LYAR: variants seen among roughly 807,000 people sequenced by gnomAD.
The protein encoded by LYAR is cell growth-regulating nucleolar protein.
LYAR carries 37 observed loss-of-function variants against 45.2 expected under a neutral mutation model. That is an observed-to-expected ratio of 0.82 (90% CI 0.63 to 1.08). The LOEUF (loss-of-function observed/expected upper bound fraction) is 1.08, where lower values mean the gene tolerates loss of function less well. Among genes scored for constraint, LYAR ranks in the 50% least tolerant of loss-of-function variants. The pLI is 0.00. For missense variants in LYAR, 493 were observed against 451.0 expected, an observed-to-expected ratio of 1.09 and a Z score of -0.84; for synonymous variants, 176 against 155.1, an observed-to-expected ratio of 1.14 and a Z score of -1.00.
At chr4:4,272,642 C>T (rs1166998194) in intron 8 of LYAR, among the ~76,000 whole-genome samples, 1 of 152,190 alleles carries the variant, frequency 6.6e-6, no homozygotes, top group Non-Finnish European at 1.5e-5. Flanking sequence ...TACAGCAGGA[C>T]AGCAAGAGAT....
intron 2 of LYAR, among the ~76,000 whole-genome samples, chr4:4,284,346 GTTTAGA>G (rs1397070280): frequency 2.2e-4 from 34 of 152,308 alleles, no homozygotes; most frequent in Non-Finnish European, 3.4e-4. Context: ...ACTGAGTGAA[GTTTAGA>G]AAGTGAAGAA....
At chr4:4,285,668 A>C (rs1269656797) in intron 2 of LYAR, among the ~76,000 whole-genome samples, 1 of 152,260 alleles carries the variant, frequency 6.6e-6, no homozygotes, top group Non-Finnish European at 1.5e-5. Flanking sequence ...CTAATAAGAT[A>C]CAACAACAAA....
chr4:4,276,999 C>A (rs898294658), intron 6 of LYAR, among the ~76,000 whole-genome samples: 5 of 152,188 alleles, frequency 3.3e-5, no homozygotes, highest in Admixed American at 1.3e-4. Flanking sequence ...GACAAAGAAA[C>A]TTCACATCTG....
At chr4:4,280,434 C>T (rs1719349146) in intron 4 of LYAR, among the ~76,000 whole-genome samples, 1 of 152,164 alleles carries the variant, frequency 6.6e-6, no homozygotes, top group African/African-American at 2.4e-5. Context: ...CATCCTAAAA[C>T]TCACAGGGAA....
chr4:4,270,090 C>T (rs1434899905), intron 8 of LYAR, among the ~76,000 whole-genome samples: 3 of 151,890 alleles, frequency 2.0e-5, no homozygotes, highest in Non-Finnish European at 4.4e-5. Flanking sequence ...GTGGTGTGTA[C>T]TCGTAGTCCT....
At chr4:4,279,153 T>C (rs574721540) in intron 6 of LYAR, among the ~76,000 whole-genome samples, 7 of 142,034 alleles carry the variant, frequency 4.9e-5, no homozygotes, top group Non-Finnish European at 3.0e-5. Context: ...GGTGAAACTC[T>C]GTCTCTGCTA....
At position 4,274,460 on chromosome 4, in the gene LYAR, TC is replaced by T. The variant is rs1560092725; in HGVS notation, c.738del (p.Lys247ArgfsTer41). On this transcript the variant is annotated frameshift_variant, in exon 7 of 10. Transcript: ENST00000343470. LOFTEE classifies it high-confidence loss of function. The stretch of plus-strand genomic sequence containing the variant: ...CGCTGCTTCTTCTTCTTGCTCCTCT[TC>T]CCTGCAGAGCCATTGGCCTCAGGGA... ...EEVPEANGSAGKRSKKKKQRK... is the reference protein window; with the variant it reads ...EEVPEANGSAXKRSKKKKQRK... 2.5e-6 allele frequency: 4 copies of T among 1,614,068 alleles called. No homozygotes were observed. Among genetic ancestry groups the T allele is most frequent in the Non-Finnish European group, 3.4e-6 (4 of 1,180,020 alleles).
Position 4,279,743 on chromosome 4 carries a change from T to G in LYAR, c.244A>C (p.Ser82Arg). The G allele has an allele frequency of 6.3e-7, 1 of 1,587,064 alleles. No individual in the cohort carries two copies. The highest frequency in any genetic ancestry group is 8.6e-7 in the Non-Finnish European group (1 of 1,162,356). ...IKQQAWIQKISELIKRPNVSP... is the reference protein window; with the variant it reads ...IKQQAWIQKIRELIKRPNVSP... The stretch of plus-strand genomic sequence containing the variant: ...ACATTGGGTCTCTTTATTAATTCAC[T>G]AATTTTCTACAAAAAGGGAAGAAAA... The change falls in exon 5 of 10, where the codon AGT becomes CGT. Residue 82 changes from serine to arginine, a missense_variant. Transcript: ENST00000343470.
chr4:4,274,364 T>C lies in LYAR; in HGVS notation c.832+3A>G, dbSNP rs1465201398. The stretch of plus-strand genomic sequence containing the variant: ...AATCCCAGAGCGTGAGCTAGCCACT[T>C]ACCTTCCGAGTGCCTCCGCTTCCTC... On this transcript the variant is annotated splice_donor_region_variant and intron_variant, in intron 7 of 9. Coordinates refer to ENST00000343470, the MANE Select transcript of LYAR (RefSeq NM_017816.3). The C allele has an allele frequency of 6.2e-7, 1 of 1,607,302 alleles. No homozygotes were observed. Among genetic ancestry groups the C allele is most frequent in the Non-Finnish European group, 8.5e-7 (1 of 1,176,110 alleles).
chr4:4,279,192 G>A (rs1719300637), intron 6 of LYAR, among the ~76,000 whole-genome samples: 1 of 152,044 alleles, frequency 6.6e-6, no homozygotes, highest in Admixed American at 6.5e-5. Flanking sequence ...AATTAGCTGG[G>A]CATGATGGCT....
intron 8 of LYAR, among the ~76,000 whole-genome samples, chr4:4,272,680 A>G (rs535806765): frequency 6.6e-6 from 1 of 152,340 alleles, no homozygotes; most frequent in African/African-American, 2.4e-5. Context: ...AACAGCATGC[A>G]ATGGAAAACT....
At chr4:4,284,889 C>T (rs1358092544) in intron 2 of LYAR, among the ~76,000 whole-genome samples, 1 of 152,132 alleles carries the variant, frequency 6.6e-6, no homozygotes, top group African/African-American at 2.4e-5. Context: ...GGACTTCATC[C>T]AACAAGCTTT....
rs755864387 is a variant in LYAR, at chr4:4,283,774, A to G, written c.-32T>C. The G allele has an allele frequency of 6.3e-7, 1 of 1,582,324 alleles. No individual in the cohort carries two copies. Among genetic ancestry groups the G allele is most frequent in the South Asian group, 1.1e-5 (1 of 88,816 alleles). On this transcript the variant is annotated 5_prime_UTR_variant, in exon 3 of 10. Coordinates refer to ENST00000343470, the MANE Select transcript of LYAR (RefSeq NM_017816.3). ...GTAAATGGCTAAATATTCTCTATCC[A>G]AGACAGGTTTTAAGTCTTGTCCTAA...
At chr4:4,281,155 T>C (rs547432776) in intron 4 of LYAR, among the ~76,000 whole-genome samples, 31 of 152,298 alleles carry the variant, frequency 2.0e-4, no homozygotes, top group Admixed American at 5.9e-4. Context: ...TTATAAAAGC[T>C]CCATTATCAC....
intron 3 of LYAR, 150 bp downstream of exon 3, chr4:4,283,471 T>C (rs944096529): frequency 1.2e-6 from 1 of 818,880 alleles, no homozygotes. Context: ...TTTGAAAGAA[T>C]CACACCAGTT....
chr4:4,276,076 A>T (rs1719167065), intron 6 of LYAR, among the ~76,000 whole-genome samples: 1 of 151,614 alleles, frequency 6.6e-6, no homozygotes, highest in African/African-American at 2.4e-5. Context: ...TCCTTCCTGA[A>T]CTCCCTCCCT....
In LYAR at chr4:4,283,680, A is replaced by G. The variant is rs572890068; in HGVS notation, c.63T>C (p.His21=). 3.5e-5 allele frequency: 56 copies of G among 1,613,020 alleles called. No individual in the cohort carries two copies. In the East Asian group the frequency reaches 4.0e-4, roughly 12 times the overall value. The change falls in exon 3 of 10, where the codon CAT becomes CAC. Residue 21 remains histidine (H), a synonymous_variant. Coordinates refer to ENST00000343470, the MANE Select transcript of LYAR (RefSeq NM_017816.3). ...ESVKKIQVEK[H]VSVCRNCECL... ...ATTCACAGTTTCTGCAAACAGACACATGCTTTTCCACTTGTATTTTCTTCA... is the reference window on the plus strand; with the variant it reads ...ATTCACAGTTTCTGCAAACAGACACGTGCTTTTCCACTTGTATTTTCTTCA...
intron 8 of LYAR, among the ~76,000 whole-genome samples, chr4:4,271,857 T>C (rs982670798): frequency 3.3e-5 from 5 of 152,124 alleles, no homozygotes; most frequent in African/African-American, 1.2e-4. Flanking sequence ...CCTCCACAGG[T>C]GAATGATGAA....
intron 8 of LYAR, among the ~76,000 whole-genome samples, chr4:4,269,411 C>T (rs115137410): frequency 0.011 from 1,640 of 152,270 alleles, 34 homozygotes; most frequent in East Asian, 0.048. Flanking sequence ...AGCCGAGTGG[C>T]GAGCCTGAGT....
Sources: allele counts gnomAD v4.1 joint callset (sites outside exome capture counted in the v4.1 genomes callset), GRCh38; gene constraint gnomAD v4.1.1; transcripts MANE v1.5; gene names NCBI Gene and HGNC (gene_info 2026-07-23, HGNC 2026-07-21).